ESR1: variants seen among roughly 807,000 people sequenced by gnomAD.
ESR1 encodes estrogen receptor.
In ESR1, 12 loss-of-function variants were observed where a neutral mutation model predicts 52.7. That is an observed-to-expected ratio of 0.23 (90% confidence interval 0.15 to 0.37). The LOEUF is 0.37. Among genes scored for constraint, ESR1 ranks in the 10% least tolerant of loss-of-function variants. The pLI is 1.00. For synonymous variants in ESR1, 305 were observed against 316.8 expected, an observed-to-expected ratio of 0.96 and a Z score of 0.39; for missense variants, 584 against 779.7, an observed-to-expected ratio of 0.75 and a Z score of 2.99.
intron 3 of ESR1, among the ~76,000 whole-genome samples, chr6:151,936,547 G>A (rs2034380530): frequency 6.6e-6 from 1 of 152,162 alleles, no homozygotes; most frequent in Admixed American, 6.5e-5. Context: ...CAAGGTTAAA[G>A]GATTTTGTTA....
At chr6:151,824,439 G>A (rs200894572) in intron 1 of ESR1, among the ~76,000 whole-genome samples, 2 of 152,078 alleles carry the variant, frequency 1.3e-5, no homozygotes, top group Non-Finnish European at 1.5e-5. Context: ...TCACTCTGAC[G>A]GTAGTTTCTT....
chr6:151,777,689 G>T (rs1786142162), intron 2 of ESR1, among the ~76,000 whole-genome samples: 1 of 152,194 alleles, frequency 6.6e-6, no homozygotes. Flanking sequence ...GCTGGGTATA[G>T]TGGCTCATGC....
At chr6:151,828,150 G>A (rs1275263885) in intron 1 of ESR1, among the ~76,000 whole-genome samples, 2 of 152,218 alleles carry the variant, frequency 1.3e-5, no homozygotes, top group Admixed American at 6.5e-5. Context: ...CTAGGCACAT[G>A]TCAGGACTGA....
rs548072149 is a variant in ESR1 at position 151,669,879 on chromosome 6, T to C, written n.73+13116T>C. On this transcript the variant is annotated intron_variant and non_coding_transcript_variant, in intron 1 of 2. Coordinates refer to the ESR1 transcript ENST00000473497. ...TGAGAGATTGTAAAACACATTTGCA[T>C]TGGGGAGAAGGACACATGGGAGAGG... 5.3e-5 allele frequency among the ~76,000 whole-genome samples: 8 copies of C among 152,196 alleles called. No homozygotes were observed. The East Asian group carries it at 1.5e-3, about 29-fold the overall frequency.
chr6:151,664,636 A>G (rs1777757076), intron 1 of ESR1, among the ~76,000 whole-genome samples: 1 of 152,174 alleles, frequency 6.6e-6, no homozygotes, highest in Admixed American at 6.5e-5. Flanking sequence ...CCTGATGAAA[A>G]CCGTTAACAG....
intron 2 of ESR1, among the ~76,000 whole-genome samples, chr6:151,758,249 C>T (rs969833298): frequency 1.4e-4 from 21 of 152,162 alleles, no homozygotes; most frequent in African/African-American, 5.1e-4. Flanking sequence ...TTTTAGATGC[C>T]TCTGGGGACA....
intron 4 of ESR1, among the ~76,000 whole-genome samples, chr6:152,003,797 C>A (rs1284477257): frequency 1.6e-5 from 2 of 124,506 alleles, no homozygotes; most frequent in Non-Finnish European, 3.2e-5. Flanking sequence ...TGAGGCCATA[C>A]ATTTTTAAAA....
At chr6:152,111,522 A>G (rs1247693090) in intron 6 of ESR1, among the ~76,000 whole-genome samples, 1 of 152,224 alleles carries the variant, frequency 6.6e-6, no homozygotes, top group African/African-American at 2.4e-5. Flanking sequence ...TAATTGTGGG[A>G]AAGGCCAGTG....
In ESR1 at chr6:152,094,108, C is replaced by G. The variant is rs555621949; in HGVS notation, c.1370-277C>G. Among the ~76,000 whole-genome samples the G allele has an allele frequency of 6.6e-6, 1 of 152,274 alleles. No homozygotes were observed. Among genetic ancestry groups the G allele is most frequent in the South Asian group, 2.1e-4 (1 of 4,820 alleles). ...TCAGACCTGTCTGAGAAAAGGTGGC[C>G]CATGTTACCATGACAGGCCCCAAGG... On this transcript the variant is annotated intron_variant, in intron 6 of 7. Coordinates refer to ENST00000206249, the MANE Select transcript of ESR1 (RefSeq NM_000125.4). The surrounding 1 kb of genome is among the most constrained non-coding windows in gnomAD (Gnocchi z 4.6).
intron 2 of ESR1, among the ~76,000 whole-genome samples, chr6:151,796,964 A>G (rs1462841340): frequency 6.6e-6 from 1 of 152,208 alleles, no homozygotes; most frequent in East Asian, 1.9e-4. Context: ...GGGGTGATCC[A>G]CTACAAAGCT....
At chr6:151,878,994 T>C (rs9322335) in intron 2 of ESR1, among the ~76,000 whole-genome samples, 108,504 of 151,884 alleles carry the variant, frequency 0.71, 39,034 homozygotes, top group Middle Eastern at 0.85. Context: ...ACATTCTGAG[T>C]GATCTGCATT....
At chr6:151,926,223 C>T (rs1584268445) in intron 3 of ESR1, among the ~76,000 whole-genome samples, 2 of 152,076 alleles carry the variant, frequency 1.3e-5, no homozygotes, top group East Asian at 1.9e-4. Flanking sequence ...TACCATACTG[C>T]CTTTATTACT....
intron 4 of ESR1, among the ~76,000 whole-genome samples, chr6:151,964,224 G>C (rs73628416): frequency 6.6e-6 from 1 of 152,124 alleles, no homozygotes; most frequent in East Asian, 1.9e-4. Flanking sequence ...TTGGAAATTT[G>C]ATAGGAAGTG....
intron 2 of ESR1, among the ~76,000 whole-genome samples, chr6:151,846,216 T>G (rs551509905): frequency 3.7e-4 from 56 of 152,308 alleles, no homozygotes; most frequent in Middle Eastern, 3.4e-3. Flanking sequence ...GCGTAATATT[T>G]AACAAAATTA....
chr6:151,719,830 A>G (rs1781331227), intron 2 of ESR1, among the ~76,000 whole-genome samples: 1 of 152,178 alleles, frequency 6.6e-6, no homozygotes, highest in Non-Finnish European at 1.5e-5. Flanking sequence ...AGAAAATTAT[A>G]GTAGGTTTCT....
intron 2 of ESR1, among the ~76,000 whole-genome samples, chr6:151,739,085 A>G (rs1782885534): frequency 2.0e-5 from 3 of 152,214 alleles, no homozygotes. Flanking sequence ...CTAATATTTC[A>G]TGCTTTATCT....
chr6:151,674,864 G>T (rs1778199397), intron 1 of ESR1, among the ~76,000 whole-genome samples: 1 of 152,222 alleles, frequency 6.6e-6, no homozygotes, highest in Non-Finnish European at 1.5e-5. Flanking sequence ...GGATGTCAGT[G>T]AAAGTTCATG....
At chr6:152,046,805 G>T (rs868739284) in intron 5 of ESR1, among the ~76,000 whole-genome samples, 1 of 152,172 alleles carries the variant, frequency 6.6e-6, no homozygotes. Flanking sequence ...TCTCCTGACA[G>T]CTGCAGCTCC....
At chr6:151,775,866 CAGAT>C (rs934714022) in intron 2 of ESR1, among the ~76,000 whole-genome samples, 5 of 152,110 alleles carry the variant, frequency 3.3e-5, no homozygotes, top group African/African-American at 1.2e-4. Context: ...TGCTAGGTCT[CAGAT>C]AGCACCAGAA....
Sources: allele counts gnomAD v4.1 joint callset (sites outside exome capture counted in the v4.1 genomes callset), GRCh38; gene constraint gnomAD v4.1.1; non-coding constraint Gnocchi (gnomAD v3.1); transcripts MANE v1.5; gene names NCBI Gene and HGNC (gene_info 2026-07-23, HGNC 2026-07-21).